MEGF11: variants seen among roughly 807,000 people sequenced by gnomAD.
MEGF11 encodes multiple EGF like domains 11, also known as multiple epidermal growth factor-like domains protein 11.
MEGF11 carries 126 observed loss-of-function variants against 146.6 expected under a neutral mutation model. The observed-to-expected ratio is 0.86, with a 90% CI of 0.74 to 1.00. The LOEUF (loss-of-function observed/expected upper bound fraction) is 1.00, where lower values mean the gene tolerates loss of function less well. Among genes scored for constraint, MEGF11 ranks in the 50% least tolerant of loss-of-function variants. The probability of loss-of-function intolerance (pLI) is 0.00; values close to 1 mark genes in which losing one functional copy is unlikely to be tolerated. For synonymous variants in MEGF11, 532 were observed against 583.4 expected (o/e 0.91, Z 1.27); for missense variants, 1,509 against 1,521.2 (o/e 0.99, Z 0.13).
intron 4 of MEGF11, among the ~76,000 whole-genome samples, chr15:66,109,274 C>T (rs1241690571): frequency 6.6e-6 from 1 of 152,168 alleles, no homozygotes; most frequent in East Asian, 1.9e-4. Context: ...AGAGCAACCA[C>T]TCCCTGATAC....
At chr15:66,053,662 T>C (rs1409393669) in intron 5 of MEGF11, among the ~76,000 whole-genome samples, 1 of 144,172 alleles carries the variant, frequency 6.9e-6, no homozygotes. Flanking sequence ...CTAACACTAA[T>C]CCTCTCCATT....
chr15:65,898,935 C>G lies in MEGF11; in HGVS notation c.3056-1G>C. On this transcript the variant is annotated splice_acceptor_variant, in intron 24 of 25. Coordinates refer to ENST00000395614, the MANE Select transcript of MEGF11 (RefSeq NM_001385028.1). LOFTEE classifies it high-confidence loss of function. Reference sequence around the variant, plus strand: ...CTGCACACGGATTCTTTCATGTAATCTGCAAGGCAAGAGACATTTCTTAGG... The same window carrying G: ...CTGCACACGGATTCTTTCATGTAATGTGCAAGGCAAGAGACATTTCTTAGG... 2 of 1,613,810 alleles carry G rather than the reference C, an allele frequency of 1.2e-6. No individual in the cohort carries two copies. Among genetic ancestry groups the G allele is most frequent in the Non-Finnish European group, 1.7e-6 (2 of 1,179,742 alleles).
chr15:66,136,930 G>A (rs1650892317), intron 1 of MEGF11, among the ~76,000 whole-genome samples: 3 of 152,178 alleles, frequency 2.0e-5, no homozygotes, highest in Non-Finnish European at 2.9e-5. Context: ...CTACTAGGGA[G>A]GTTGAGGTGG....
chr15:66,067,694 G>A (rs117195345), intron 5 of MEGF11, among the ~76,000 whole-genome samples: 2,052 of 152,278 alleles, frequency 0.013, 25 homozygotes, highest in South Asian at 0.036. Flanking sequence ...CCATAAGCAC[G>A]CTAACAAATG....
intron 1 of MEGF11, among the ~76,000 whole-genome samples, chr15:66,222,308 G>C (rs1260616576): frequency 6.6e-6 from 1 of 152,018 alleles, no homozygotes; most frequent in African/African-American, 2.4e-5. Flanking sequence ...TTTCCCAGCT[G>C]CTCCCCAACT....
chr15:65,908,314 G>A (rs1596818469), intron 23 of MEGF11, among the ~76,000 whole-genome samples: 1 of 152,140 alleles, frequency 6.6e-6, no homozygotes, highest in African/African-American at 2.4e-5. Context: ...GTATACCAAG[G>A]CCCTGCCCCA....
chr15:65,901,020 T>A (rs1403984631), intron 24 of MEGF11, among the ~76,000 whole-genome samples: 1 of 152,222 alleles, frequency 6.6e-6, no homozygotes, highest in Non-Finnish European at 1.5e-5. Flanking sequence ...TTATTAGATG[T>A]CGACAAGGAT....
intron 1 of MEGF11, among the ~76,000 whole-genome samples, chr15:66,141,923 C>T (rs542271746): frequency 1.2e-3 from 182 of 152,268 alleles, no homozygotes; most frequent in African/African-American, 4.2e-3. Flanking sequence ...AAGCCCTACT[C>T]CTCACTCCCC....
In MEGF11 at chr15:66,053,714, A is replaced by ATTTTTTTTTTTTTT. The variant is rs2084549697; in HGVS notation, c.394+40687_394+40688insAAAAAAAAAAAAAA. Among the ~76,000 whole-genome samples, 7 of 42,268 alleles carry ATTTTTTTTTTTTTT rather than the reference A, an allele frequency of 1.7e-4. 3 individuals carry two copies. In the South Asian group the frequency reaches 3.7e-3, roughly 22 times the overall value. The allele number at this position is 42,268 out of a possible 152,430, so 27.7% of individuals were successfully genotyped here. A position where few individuals can be genotyped will look rare whatever the true frequency, so the allele number is the denominator to read the frequency against. On this transcript the variant is annotated intron_variant, in intron 5 of 25. Transcript: ENST00000395614. ...ACTCAGCTCCCCCTCCCCTGGCACC[A>ATTTTTTTTTTTTTT]ATTTTTTTTTTTTTTTTTTTTTTTT...
At chr15:66,027,625 A>T (rs1487517958) in intron 5 of MEGF11, among the ~76,000 whole-genome samples, 2 of 152,064 alleles carry the variant, frequency 1.3e-5, no homozygotes, top group African/African-American at 4.8e-5. Flanking sequence ...CTACCCCGAG[A>T]GTCTGGAGCT....
At chr15:66,157,965 T>G (rs1269689068) in intron 1 of MEGF11, among the ~76,000 whole-genome samples, 2 of 152,238 alleles carry the variant, frequency 1.3e-5, no homozygotes, top group Admixed American at 6.5e-5. Flanking sequence ...GCACAGGATT[T>G]TATTTTAAAT....
intron 21 of MEGF11, among the ~76,000 whole-genome samples, chr15:65,910,344 C>T (rs530868155): frequency 1.3e-5 from 2 of 152,272 alleles, no homozygotes; most frequent in East Asian, 3.9e-4. Flanking sequence ...CACAGCTGCC[C>T]TTCATATGAG....
chr15:65,898,427 T>C, intron 25 of MEGF11: 1 of 985,388 alleles, frequency 1.0e-6, no homozygotes, highest in Non-Finnish European at 1.2e-6. Flanking sequence ...TAAAATGAGA[T>C]TTGTATCAAC....
chr15:66,087,008 G>A (rs370014371), intron 5 of MEGF11, among the ~76,000 whole-genome samples: 10 of 152,266 alleles, frequency 6.6e-5, no homozygotes, highest in Admixed American at 5.9e-4. Context: ...CACCAAAAGC[G>A]AGCAGGGGTA....
At chr15:66,224,413 A>G (rs908928833) in intron 1 of MEGF11, among the ~76,000 whole-genome samples, 1 of 151,916 alleles carries the variant, frequency 6.6e-6, no homozygotes, top group Non-Finnish European at 1.5e-5. Context: ...CAACTCTACT[A>G]AAAAACAAAG....
chr15:65,921,963 A>G (rs570231131), intron 15 of MEGF11: 16 of 222,524 alleles, frequency 7.2e-5, no homozygotes, highest in Non-Finnish European at 1.4e-4. Flanking sequence ...GCTCCTCTGC[A>G]CTCCCACAGC....
At chr15:66,207,844 AG>A (rs2091341017) in intron 1 of MEGF11, among the ~76,000 whole-genome samples, 1 of 152,216 alleles carries the variant, frequency 6.6e-6, no homozygotes, top group Non-Finnish European at 1.5e-5. Flanking sequence ...GCACTTTGGG[AG>A]GCCAAGGCGG....
chr15:66,232,730 A>C (rs1334836418), intron 1 of MEGF11, among the ~76,000 whole-genome samples: 1 of 152,132 alleles, frequency 6.6e-6, no homozygotes, highest in Non-Finnish European at 1.5e-5. Flanking sequence ...AGTGCCTATG[A>C]GGGAAAAGGA....
intron 1 of MEGF11, among the ~76,000 whole-genome samples, chr15:66,248,545 G>A (rs577681864): frequency 1.4e-4 from 21 of 152,244 alleles, no homozygotes; most frequent in Admixed American, 9.2e-4. Context: ...TGCTCACCAG[G>A]TACAGGGGAT....
Sources: allele counts gnomAD v4.1 joint callset (sites outside exome capture counted in the v4.1 genomes callset), GRCh38; gene constraint gnomAD v4.1.1; transcripts MANE v1.5; gene names NCBI Gene and HGNC (gene_info 2026-07-23, HGNC 2026-07-21).